The following SCNN1B variants were observed in gnomAD, a reference collection of about 807,000 sequenced individuals.
SCNN1B encodes sodium channel epithelial 1 subunit beta, also known as epithelial sodium channel subunit beta.
Under a neutral mutation model 65.3 loss-of-function variants are expected in SCNN1B, and 46 were observed. The ratio of observed to expected loss-of-function variants is 0.70; its 90% CI spans 0.56 to 0.90. The LOEUF (loss-of-function observed/expected upper bound fraction) is 0.90. Ranked by LOEUF, SCNN1B falls within the 40% of genes least tolerant of loss-of-function variation. The probability of loss-of-function intolerance (pLI) is 0.00; values close to 1 mark genes in which losing one functional copy is unlikely to be tolerated. For missense variants in SCNN1B, 751 were observed against 830.5 expected (o/e 0.90, Z 1.18); for synonymous variants, 349 against 330.6 (o/e 1.06, Z -0.60).
chr16:23,289,778 C>T (rs1044919135), intron 2 of SCNN1B, among the ~76,000 whole-genome samples: 1 of 149,598 alleles, frequency 6.7e-6, no homozygotes, highest in Non-Finnish European at 1.5e-5. Flanking sequence ...GGGATTCAAG[C>T]GATTCTCCTG....
chr16:23,360,688 C>T (rs1466831978), intron 4 of SCNN1B, among the ~76,000 whole-genome samples: 7 of 151,426 alleles, frequency 4.6e-5, no homozygotes, highest in East Asian at 3.9e-4. Context: ...CTCTGCCTCC[C>T]GGGTTCAAGT....
chr16:23,329,114 A>G (rs1471816326), intron 1 of SCNN1B, among the ~76,000 whole-genome samples: 1 of 116,538 alleles, frequency 8.6e-6, no homozygotes, highest in East Asian at 2.7e-4. Flanking sequence ...TATTATTATC[A>G]TTATTATTAT....
At chr16:23,317,245 T>C (rs1384452380) in intron 1 of SCNN1B, among the ~76,000 whole-genome samples, 7 of 152,206 alleles carry the variant, frequency 4.6e-5, no homozygotes, top group Admixed American at 4.6e-4. Flanking sequence ...CATGAGCTAA[T>C]GCCTGTGAGG....
At position 23,380,414 on chromosome 16, in the gene SCNN1B, C is replaced by T. The variant is rs1363483984; in HGVS notation, c.1543-7C>T. 1 of 1,614,146 alleles carries T rather than the reference C, an allele frequency of 6.2e-7. No individual in the cohort carries two copies. The stretch of plus-strand genomic sequence containing the variant: ...CTGAGCTCACCCCAGCTCCCTGTTC[C>T]CCACAGATCGTCTGGCTGCTCTCGA... On this transcript the variant is annotated splice_region_variant and splice_polypyrimidine_tract_variant and intron_variant, in intron 12 of 12. Transcript: ENST00000343070. The surrounding 1 kb of genome is among the most constrained non-coding windows in gnomAD (Gnocchi z 5.4).
intron 2 of SCNN1B, 42 bp from the exon 3 acceptor site, chr16:23,352,759 G>C: frequency 2.5e-6 from 4 of 1,610,698 alleles, no homozygotes; most frequent in Non-Finnish European, 2.5e-6. Flanking sequence ...CTGCTTTACA[G>C]ATATGCATTC....
intron 2 of SCNN1B, among the ~76,000 whole-genome samples, chr16:23,350,354 T>A (rs1962282339): frequency 1.3e-5 from 2 of 152,136 alleles, no homozygotes; most frequent in Middle Eastern, 6.8e-3. Context: ...TTCTTCCGGA[T>A]TGCCCGTTCT....
intron 2 of SCNN1B, among the ~76,000 whole-genome samples, chr16:23,285,674 A>AT (rs1368609453): frequency 6.6e-6 from 1 of 152,116 alleles, no homozygotes; most frequent in East Asian, 1.9e-4. Context: ...AAAAAAAATA[A>AT]TAAAAAATAC....
chr16:23,358,897 ACT>A (rs1390222817), intron 4 of SCNN1B, among the ~76,000 whole-genome samples: 2 of 152,130 alleles, frequency 1.3e-5, no homozygotes, highest in Admixed American at 6.6e-5. Context: ...ACAGGGGGAG[ACT>A]CTCTTAAAAA....
At chr16:23,303,022 G>C (rs964195901) in intron 1 of SCNN1B, among the ~76,000 whole-genome samples, 1 of 152,128 alleles carries the variant, frequency 6.6e-6, no homozygotes, top group African/African-American at 2.4e-5. Flanking sequence ...GTGGCGTCCG[G>C]GGAACGTGGG....
intron 7 of SCNN1B, 85 bp from the exon 8 acceptor site, chr16:23,375,653 C>T: frequency 1.0e-6 from 1 of 990,266 alleles, no homozygotes; most frequent in Non-Finnish European, 1.6e-6. Context: ...TTGGGCATCA[C>T]TTCTCTGGAC....
chr16:23,336,202 T>C lies in SCNN1B; in HGVS notation c.-8-12390T>C, dbSNP rs138920623. 1.3e-4 allele frequency among the ~76,000 whole-genome samples: 20 copies of C among 152,276 alleles called. No homozygotes were observed. In the East Asian group the frequency reaches 3.9e-3, roughly 29 times the overall value. On this transcript the variant is annotated intron_variant, in intron 1 of 12. Transcript: ENST00000343070. Reference sequence around the variant, plus strand: ...CCTCTGAGTCCCTCTGTGCTCTAAATTCGCTGTGTAATGGGCATAATTATG... The same window carrying C: ...CCTCTGAGTCCCTCTGTGCTCTAAACTCGCTGTGTAATGGGCATAATTATG...
chr16:23,303,161 A>G (rs1209431001), intron 1 of SCNN1B, among the ~76,000 whole-genome samples: 1 of 152,144 alleles, frequency 6.6e-6, no homozygotes, highest in East Asian at 1.9e-4. Context: ...GTGGAGGGAA[A>G]GGGTCTGGGA....
rs754292333 is a variant in SCNN1B, at chr16:23,355,302, A to G, written c.589A>G (p.Ser197Gly). 26 of 1,614,116 alleles carry G rather than the reference A, an allele frequency of 1.6e-5. No homozygotes were observed. Among genetic ancestry groups the G allele is most frequent in the Non-Finnish European group, 2.0e-5 (24 of 1,179,980 alleles). ...HGCKMAMRLC[S>G]LNRTQCTFRN... ...AAACCCCTCTTGGCCTCCACAGTGT[A>G]GCCTCAACAGGACCCAGTGTACCTT... Residue 197 changes from serine to glycine, a missense_variant, in exon 4 of 13, where the codon AGC becomes GGC. Coordinates refer to ENST00000343070, the MANE Select transcript of SCNN1B (RefSeq NM_000336.3).
At chr16:23,360,848 A>G (rs530533913) in intron 4 of SCNN1B, among the ~76,000 whole-genome samples, 33 of 151,894 alleles carry the variant, frequency 2.2e-4, no homozygotes, top group East Asian at 1.2e-3. Context: ...AGGCTGGAGT[A>G]CAGTGGCACT....
intron 1 of SCNN1B, among the ~76,000 whole-genome samples, chr16:23,340,714 T>C (rs976572917): frequency 6.6e-6 from 1 of 152,172 alleles, no homozygotes; most frequent in African/African-American, 2.4e-5. Flanking sequence ...ACTCTCTTCA[T>C]TGAACTACCT....
In SCNN1B at chr16:23,310,129, C is replaced by G. The variant is rs542906402; in HGVS notation, c.-9+7692C>G. Among the ~76,000 whole-genome samples the G allele has an allele frequency of 1.1e-4, 16 of 152,262 alleles. No individual in the cohort carries two copies. The East Asian group carries it at 2.9e-3, about 28-fold the overall frequency. ...CCGTGGCTCACACATGTAATTCCAG[C>G]ACTCAGGAAGGCTGAGGCGAGAGGA... On this transcript the variant is annotated intron_variant, in intron 1 of 12. Coordinates refer to ENST00000343070, the MANE Select transcript of SCNN1B (RefSeq NM_000336.3).
intron 4 of SCNN1B, among the ~76,000 whole-genome samples, chr16:23,358,995 G>A (rs1962478457): frequency 6.6e-6 from 1 of 152,252 alleles, no homozygotes; most frequent in Admixed American, 6.5e-5. Flanking sequence ...TCTCGTCCCT[G>A]TAGGTGTCAG....
At chr16:23,377,546 ATTCC>A (rs1250759053) in intron 10 of SCNN1B, among the ~76,000 whole-genome samples, 160 bp downstream of exon 10, 2 of 50,470 alleles carry the variant, frequency 4.0e-5, no homozygotes, top group Non-Finnish European at 8.8e-5. Flanking sequence ...TCTCTGCTTT[ATTCC>A]TTCCTTCCTT....
At position 23,282,715 on chromosome 16, in the gene SCNN1B, C is replaced by T. The variant is rs80249863; in HGVS notation, n.111-1022C>T. Among the ~76,000 whole-genome samples the T allele has an allele frequency of 4.4e-3, 675 of 152,320 alleles. 2 individuals carry two copies. The highest frequency in any genetic ancestry group is 6.8e-3 in the Middle Eastern group (2 of 294). On this transcript the variant is annotated intron_variant and non_coding_transcript_variant, in intron 1 of 3. Transcript: ENST00000569789. Reference sequence around the variant, plus strand: ...TGTCAGTTTACTATTGCCATGGCAACGCCTGCCCCCTTCCATGGCAACAAC... The same window carrying T: ...TGTCAGTTTACTATTGCCATGGCAATGCCTGCCCCCTTCCATGGCAACAAC...
Sources: allele counts gnomAD v4.1 joint callset (sites outside exome capture counted in the v4.1 genomes callset), GRCh38; gene constraint gnomAD v4.1.1; non-coding constraint Gnocchi (gnomAD v3.1); transcripts MANE v1.5; gene names NCBI Gene and HGNC (gene_info 2026-07-23, HGNC 2026-07-21).